ARK2C: variants seen among roughly 807,000 people sequenced by gnomAD.
The protein encoded by ARK2C is arkadia (RNF111) C-terminal like ring finger ubiquitin ligase 2C.
the ARK2C span, among the ~76,000 whole-genome samples, chr18:46,381,308 G>A: frequency 6.6e-6 from 1 of 152,224 alleles, no homozygotes. Context: ...GGCCACAAGA[G>A]CAGGTTTAGC....
the ARK2C span, among the ~76,000 whole-genome samples, chr18:46,422,246 G>GTTCCCCACAAT: frequency 1.3e-5 from 2 of 152,124 alleles, no homozygotes; most frequent in Non-Finnish European, 2.9e-5. Context: ...GCCGTTCAAG[G>GTTCCCCACAAT]TTCCCCACAA....
the ARK2C span, among the ~76,000 whole-genome samples, chr18:46,415,249 A>G: frequency 6.6e-6 from 1 of 152,218 alleles, no homozygotes; most frequent in Non-Finnish European, 1.5e-5. Flanking sequence ...GGCGAGGCAC[A>G]GTGGTTCACA....
the ARK2C span, among the ~76,000 whole-genome samples, chr18:46,411,501 T>C: frequency 2.0e-5 from 3 of 152,216 alleles, no homozygotes; most frequent in East Asian, 1.9e-4. Flanking sequence ...TTGCTATCGA[T>C]TGATTCATTT....
At chr18:46,398,840 C>G in the ARK2C span, among the ~76,000 whole-genome samples, 6 of 151,966 alleles carry the variant, frequency 3.9e-5, no homozygotes, top group Non-Finnish European at 7.4e-5. Context: ...GGCTTCTGCC[C>G]TCTCTCGTCT....
At chr18:46,398,960 C>T in the ARK2C span, among the ~76,000 whole-genome samples, 3 of 152,138 alleles carry the variant, frequency 2.0e-5, no homozygotes, top group Non-Finnish European at 2.9e-5. Flanking sequence ...CCAGGGAGCT[C>T]TTGTTAAAGG....
the ARK2C span, among the ~76,000 whole-genome samples, chr18:46,424,299 C>A: frequency 9.2e-5 from 14 of 152,176 alleles, 1 homozygote; most frequent in South Asian, 2.7e-3. Flanking sequence ...CAGGCAAGGC[C>A]CCTGGGGGTC....
the ARK2C span, among the ~76,000 whole-genome samples, chr18:46,407,493 A>T: frequency 1.2e-4 from 18 of 152,308 alleles, no homozygotes; most frequent in Admixed American, 4.6e-4. Flanking sequence ...CCGACAGGAC[A>T]GTGTTAGCCT....
the ARK2C span, chr18:46,447,709 G>A: frequency 1.1e-4 from 173 of 1,613,934 alleles, no homozygotes; most frequent in Non-Finnish European, 1.3e-4. Flanking sequence ...GAAAGAAGAC[G>A]GACTCCCTTG....
chr18:46,427,707 T>C, the ARK2C span, among the ~76,000 whole-genome samples: 2 of 152,242 alleles, frequency 1.3e-5, no homozygotes, highest in Admixed American at 1.3e-4. Context: ...AGCAGGTATT[T>C]ACTGGGTGCC....
chr18:46,335,883 T>C, the ARK2C span: 6 of 984,784 alleles, frequency 6.1e-6, no homozygotes, highest in African/African-American at 1.0e-4. Context: ...TTCTTCATTG[T>C]GTAGCTCAGT....
At chr18:46,391,843 C>A in the ARK2C span, among the ~76,000 whole-genome samples, 2 of 151,648 alleles carry the variant, frequency 1.3e-5, no homozygotes, top group East Asian at 3.9e-4. Flanking sequence ...AGACCACATA[C>A]CCTGCACAAT....
chr18:46,426,797 T>C, the ARK2C span, among the ~76,000 whole-genome samples: 3 of 152,224 alleles, frequency 2.0e-5, no homozygotes, highest in Non-Finnish European at 4.4e-5. Flanking sequence ...ACTGATGTCA[T>C]TTTAGCCTGG....
the ARK2C span, among the ~76,000 whole-genome samples, chr18:46,341,425 G>A: frequency 6.6e-6 from 1 of 152,100 alleles, no homozygotes; most frequent in Non-Finnish European, 1.5e-5. Context: ...AAGGGGCTGA[G>A]GGGCAGGAGG....
At chr18:46,456,134 C>G in the ARK2C span, 1 of 1,050,706 alleles carries the variant, frequency 9.5e-7, no homozygotes, top group Non-Finnish European at 1.5e-6. Flanking sequence ...TATTGGTGAC[C>G]AATCACTGCA....
chr18:46,396,018 C>G, the ARK2C span, among the ~76,000 whole-genome samples: 310 of 152,316 alleles, frequency 2.0e-3, 4 homozygotes, highest in African/African-American at 6.9e-3. Context: ...TGGCGTTGTT[C>G]TGTGTGGTCT....
the ARK2C span, among the ~76,000 whole-genome samples, chr18:46,419,217 G>A: frequency 7.9e-5 from 12 of 152,194 alleles, no homozygotes; most frequent in Admixed American, 7.9e-4. Context: ...GGAGCTTGAT[G>A]GGAAGAGGGG....
the ARK2C span, among the ~76,000 whole-genome samples, chr18:46,398,329 C>A: frequency 6.6e-6 from 1 of 151,524 alleles, no homozygotes; most frequent in Non-Finnish European, 1.5e-5. Context: ...AAGAAGGAAG[C>A]AGGTAGGGAG....
the ARK2C span, chr18:46,450,279 C>T: frequency 5.1e-6 from 8 of 1,559,424 alleles, no homozygotes; most frequent in East Asian, 2.2e-5. Context: ...CTATCCAAGG[C>T]GTTTTCTACC....
chr18:46,410,198 C>G, the ARK2C span, among the ~76,000 whole-genome samples: 1 of 152,194 alleles, frequency 6.6e-6, no homozygotes, highest in Non-Finnish European at 1.5e-5. Flanking sequence ...TCTTAAGGCC[C>G]CAAATGCTTA....
Sources: gnomAD v4.1 joint callset for allele counts (sites outside exome capture counted in the v4.1 genomes callset) on GRCh38, gnomAD v4.1.1 for gene constraint, MANE v1.5 for transcripts, NCBI Gene and HGNC (gene_info 2026-07-23, HGNC 2026-07-21) for gene names.